KPNA6: variants seen among roughly 807,000 people sequenced by gnomAD.
The protein encoded by KPNA6 is karyopherin subunit alpha 6.
Under a neutral mutation model 72.0 loss-of-function variants are expected in KPNA6, and 9 were observed. The ratio of observed to expected loss-of-function variants is 0.13; its 90% CI spans 0.08 to 0.22. The LOEUF is 0.22. Among genes scored for constraint, KPNA6 ranks in the 10% least tolerant of loss-of-function variants. KPNA6 has a pLI of 1.00. For synonymous variants in KPNA6, 219 were observed against 242.1 expected, an observed-to-expected ratio of 0.90 and a Z score of 0.89; for missense variants, 374 against 655.7, an observed-to-expected ratio of 0.57 and a Z score of 4.69.
rs187242207 is a variant in KPNA6, at chr1:32,162,673, A to G, written c.911+149A>G. On this transcript the variant is annotated intron_variant, in intron 9 of 13. Coordinates refer to ENST00000373625, the MANE Select transcript of KPNA6 (RefSeq NM_012316.5). ...AACATGGTGAAACCCCGTCTCTACT[A>G]AAAATACAAAAATTAGCTGGGCGCA... 493 of 743,356 alleles carry G rather than the reference A, an allele frequency of 6.6e-4. 10 individuals are homozygous for G. The East Asian group carries it at 0.014, about 21-fold the overall frequency. The allele number at this position is 743,356 out of a possible 1,614,324, so 46.0% of individuals were successfully genotyped here. A position where few individuals can be genotyped will look rare whatever the true frequency, so the allele number is the denominator to read the frequency against.
intron 6 of KPNA6, 83 bp from the exon 7 acceptor site, chr1:32,160,532 G>T: frequency 1.0e-6 from 1 of 992,146 alleles, no homozygotes. Flanking sequence ...ATCCTGGTGG[G>T]TACTCACTTT....
chr1:32,167,824 A>G (rs1642366281), intron 12 of KPNA6, among the ~76,000 whole-genome samples: 1 of 150,712 alleles, frequency 6.6e-6, no homozygotes, highest in African/African-American at 2.4e-5. Flanking sequence ...ACTGCACTCC[A>G]GCCTGAGTGA....
chr1:32,159,578 T>TA (rs745662620), intron 6 of KPNA6, 47 bp downstream of exon 6: 99 of 1,583,572 alleles, frequency 6.3e-5, no homozygotes, highest in Non-Finnish European at 8.3e-5. Context: ...TGTGGTATAA[T>TA]AAAAAATATA....
chr1:32,129,371 G>A (rs772074857), intron 1 of KPNA6, among the ~76,000 whole-genome samples: 9 of 151,788 alleles, frequency 5.9e-5, no homozygotes, highest in Non-Finnish European at 7.4e-5. Context: ...TCGCCATGTT[G>A]CCCAGGCTGG....
At chr1:32,111,386 G>A (rs1462425240) in intron 1 of KPNA6, among the ~76,000 whole-genome samples, 3 of 152,186 alleles carry the variant, frequency 2.0e-5, no homozygotes, top group Admixed American at 6.6e-5. Context: ...CTTCAGTGGA[G>A]CAACAAACCC....
chr1:32,157,593 C>A, intron 4 of KPNA6, 148 bp downstream of exon 4: 1 of 603,032 alleles, frequency 1.7e-6, no homozygotes. Context: ...CACATTGCTA[C>A]CTTCACACTG....
intron 1 of KPNA6, among the ~76,000 whole-genome samples, chr1:32,114,451 A>ATATAT (rs1553125090): frequency 2.9e-4 from 42 of 145,562 alleles, no homozygotes; most frequent in Admixed American, 9.7e-4. Flanking sequence ...CAAAAAAAAA[A>ATATAT]ATATATATAT....
chr1:32,171,717 G>C lies in KPNA6; in HGVS notation c.*823G>C, dbSNP rs931947847. 2 of 152,236 alleles carry C rather than the reference G, an allele frequency of 1.3e-5. No individual in the cohort carries two copies. Among genetic ancestry groups the C allele is most frequent in the East Asian group, 3.8e-4 (2 of 5,200 alleles). The allele number at this position is 152,236 out of a possible 1,614,324, so 9.4% of individuals were successfully genotyped here. ...CAGGCCTTCAGATGGGGCTTCCCAC[G>C]TGTAGCTACTGATCCCATATTTCCT... On this transcript the variant is annotated 3_prime_UTR_variant, in exon 14 of 14. Transcript: ENST00000373625.
At chr1:32,140,105 G>A (rs1056698708) in intron 1 of KPNA6, among the ~76,000 whole-genome samples, 2 of 152,036 alleles carry the variant, frequency 1.3e-5, no homozygotes, top group Admixed American at 6.6e-5. Context: ...TAAGAAGAAG[G>A]TCCTGGGCCT....
chr1:32,120,676 C>T (rs181348140), intron 1 of KPNA6, among the ~76,000 whole-genome samples: 2,294 of 148,962 alleles, frequency 0.015, 17 homozygotes, highest in Middle Eastern at 0.039. Flanking sequence ...AAGAGATTCT[C>T]CTGCCTCAGC....
chr1:32,122,957 CAAAAAA>C (rs912635889), intron 1 of KPNA6, among the ~76,000 whole-genome samples: 77 of 56,142 alleles, frequency 1.4e-3, no homozygotes, highest in African/African-American at 4.4e-3. Flanking sequence ...AACTCCATCT[CAAAAAA>C]AAAAAAAAAA....
chr1:32,171,972 C>T lies in KPNA6; in HGVS notation c.*1078C>T, dbSNP rs998718139. On this transcript the variant is annotated 3_prime_UTR_variant, in exon 14 of 14. Transcript: ENST00000373625. ...GATAGTCAGGGATCCCTGCCTTTGG[C>T]CTTTCTTCTTCTTCTTCTTCCTCTT... is the stretch of plus-strand genomic sequence containing the variant. 1 of 152,016 alleles carries T rather than the reference C, an allele frequency of 6.6e-6. No homozygotes were observed. Among genetic ancestry groups the T allele is most frequent in the African/African-American group, 2.4e-5 (1 of 41,354 alleles). The allele number at this position is 152,016 out of a possible 1,614,324, so 9.4% of individuals were successfully genotyped here.
At chr1:32,166,877 G>A (rs1642349514) in intron 11 of KPNA6, among the ~76,000 whole-genome samples, 1 of 152,036 alleles carries the variant, frequency 6.6e-6, no homozygotes, top group Non-Finnish European at 1.5e-5. Context: ...GGTGGAGCTT[G>A]CAGTGAGCCG....
intron 7 of KPNA6, among the ~76,000 whole-genome samples, chr1:32,161,414 C>T (rs1427604965): frequency 1.3e-5 from 2 of 152,158 alleles, no homozygotes; most frequent in African/African-American, 4.8e-5. Context: ...TATCCTTCTC[C>T]CATCCTTCCC....
At chr1:32,142,319 G>T (rs1641854304) in intron 1 of KPNA6, among the ~76,000 whole-genome samples, 1 of 142,804 alleles carries the variant, frequency 7.0e-6, no homozygotes, top group Non-Finnish European at 1.5e-5. Flanking sequence ...GCCGTTTGTT[G>T]TTGGCTTCTA....
At chr1:32,155,583 A>G (rs1642124405) in intron 2 of KPNA6, among the ~76,000 whole-genome samples, 1 of 151,962 alleles carries the variant, frequency 6.6e-6, no homozygotes. Context: ...TGCCCGCCTC[A>G]GCCTCCCATA....
intron 1 of KPNA6, among the ~76,000 whole-genome samples, chr1:32,121,960 G>A (rs964414459): frequency 2.0e-5 from 3 of 150,652 alleles, no homozygotes; most frequent in Non-Finnish European, 3.0e-5. Context: ...GTGACAGAGC[G>A]ACACTCCGAC....
intron 1 of KPNA6, among the ~76,000 whole-genome samples, chr1:32,128,349 A>G (rs1215227468): frequency 6.9e-6 from 1 of 144,258 alleles, no homozygotes; most frequent in African/African-American, 2.5e-5. Context: ...AAACTAGAAG[A>G]ACTAGGAATA....
intron 1 of KPNA6, among the ~76,000 whole-genome samples, chr1:32,142,293 G>A (rs1250631266): frequency 6.6e-6 from 1 of 151,352 alleles, no homozygotes; most frequent in African/African-American, 2.4e-5. Flanking sequence ...TTGTCAGAAG[G>A]GTTGTTTTAT....
Sources: allele counts gnomAD v4.1 joint callset (sites outside exome capture counted in the v4.1 genomes callset), GRCh38; gene constraint gnomAD v4.1.1; transcripts MANE v1.5; gene names NCBI Gene and HGNC (gene_info 2026-07-23, HGNC 2026-07-21).